Variants in NKAIN2 observed in about 807,000 individuals in gnomAD.
NKAIN2 encodes the protein sodium/potassium-transporting ATPase subunit beta-1-interacting protein 2.
A neutral mutation model predicts 32.6 loss-of-function variants in NKAIN2; 14 were observed. That is an observed-to-expected ratio of 0.43 (90% confidence interval 0.28 to 0.67). The LOEUF is 0.67. Among genes scored for constraint, NKAIN2 ranks in the 30% least tolerant of loss-of-function variants. The pLI is 0.17. For missense variants in NKAIN2, 198 were observed against 258.3 expected (o/e 0.77, Z 1.60); for synonymous variants, 80 against 87.2 (o/e 0.92, Z 0.46).
At chr6:124,433,091 C>T (rs1375427282) in intron 3 of NKAIN2, among the ~76,000 whole-genome samples, 1 of 152,090 alleles carries the variant, frequency 6.6e-6, no homozygotes, top group Non-Finnish European at 1.5e-5. Context: ...TTAGTTTAAT[C>T]GACTTTGGAG....
chr6:124,049,871 A>G (rs1782324933), intron 1 of NKAIN2, among the ~76,000 whole-genome samples: 1 of 152,068 alleles, frequency 6.6e-6, no homozygotes, highest in South Asian at 2.1e-4. Flanking sequence ...AGAGTGCAAG[A>G]GTAGTGATAC....
At position 124,032,882 on chromosome 6, in the gene NKAIN2, C is replaced by G. The variant is rs570242189; in HGVS notation, c.54+228628C>G. Among the ~76,000 whole-genome samples, 7 of 152,058 alleles carry G rather than the reference C, an allele frequency of 4.6e-5. No homozygotes were observed. The South Asian group carries it at 8.3e-4, about 18-fold the overall frequency. ...GAATAGTATTAACAATATTTCCTCT[C>G]TGGTAATGTTTGTTTGCCTAATGTT... is the stretch of plus-strand genomic sequence containing the variant. On this transcript the variant is annotated intron_variant, in intron 1 of 6. Transcript: ENST00000368417.
At chr6:124,010,373 T>C (rs1780270616) in intron 1 of NKAIN2, among the ~76,000 whole-genome samples, 2 of 152,082 alleles carry the variant, frequency 1.3e-5, no homozygotes, top group Non-Finnish European at 2.9e-5. Flanking sequence ...CACTAGTTCA[T>C]AGCTATGGAC....
intron 4 of NKAIN2, among the ~76,000 whole-genome samples, chr6:124,787,331 T>TA (rs1024442341): frequency 2.0e-4 from 30 of 152,012 alleles, no homozygotes; most frequent in African/African-American, 6.8e-4. Flanking sequence ...AACAGTGAAT[T>TA]AAAAAATTAA....
At chr6:124,684,678 A>G (rs1773778645) in intron 4 of NKAIN2, among the ~76,000 whole-genome samples, 1 of 152,118 alleles carries the variant, frequency 6.6e-6, no homozygotes, top group Non-Finnish European at 1.5e-5. Context: ...TCTGACACAG[A>G]GTCTTTACAC....
At chr6:123,818,809 A>T (rs938386368) in intron 1 of NKAIN2, among the ~76,000 whole-genome samples, 2 of 152,196 alleles carry the variant, frequency 1.3e-5, no homozygotes, top group African/African-American at 2.4e-5. Context: ...ATATCACCTC[A>T]TGTGTTTTTC....
intron 1 of NKAIN2, among the ~76,000 whole-genome samples, chr6:124,195,041 A>AT (rs1211291978): frequency 2.0e-5 from 3 of 150,636 alleles, no homozygotes; most frequent in Admixed American, 6.6e-5. Context: ...ATAAAATGCA[A>AT]TTTTTTTATT....
At chr6:124,411,224 A>T (rs1307192582) in intron 3 of NKAIN2, among the ~76,000 whole-genome samples, 1 of 152,138 alleles carries the variant, frequency 6.6e-6, no homozygotes, top group Non-Finnish European at 1.5e-5. Context: ...TCCTGTCATT[A>T]TGATGTTAGC....
intron 1 of NKAIN2, among the ~76,000 whole-genome samples, chr6:124,202,359 A>G (rs1790633748): frequency 6.6e-6 from 1 of 151,970 alleles, no homozygotes; most frequent in African/African-American, 2.4e-5. Context: ...TCGATTCCTT[A>G]GCGAGGCAGA....
intron 4 of NKAIN2, among the ~76,000 whole-genome samples, chr6:124,712,108 G>A (rs1222259161): frequency 6.6e-6 from 1 of 151,602 alleles, no homozygotes; most frequent in African/African-American, 2.4e-5. Context: ...CTGCTGGGGG[G>A]TGCCTCCCAG....
Position 123,824,896 on chromosome 6 carries a change from GA to G in NKAIN2, c.54+20648del, listed in dbSNP as rs1391659651. 1.5e-4 allele frequency among the ~76,000 whole-genome samples: 23 copies of G among 152,208 alleles called. No individual in the cohort carries two copies. The South Asian group carries it at 2.3e-3, about 15-fold the overall frequency. ...GTTGGGTTCAATGTGCTCTGCTTCAGAAAAAAGCAAGGAAGTACATGATGTG... is the reference window on the plus strand; with the variant it reads ...GTTGGGTTCAATGTGCTCTGCTTCAGAAAAAGCAAGGAAGTACATGATGTG... On this transcript the variant is annotated intron_variant, in intron 1 of 6. Transcript: ENST00000368417.
chr6:124,507,471 G>C (rs1287590007), intron 3 of NKAIN2, among the ~76,000 whole-genome samples: 1 of 151,992 alleles, frequency 6.6e-6, no homozygotes, highest in Non-Finnish European at 1.5e-5. Context: ...TTTAATTATG[G>C]TGGTTTTTTG....
intron 1 of NKAIN2, among the ~76,000 whole-genome samples, chr6:123,943,256 A>T (rs536538741): frequency 1.3e-5 from 2 of 152,184 alleles, no homozygotes; most frequent in South Asian, 4.1e-4. Flanking sequence ...GGTGCTTATC[A>T]CCTATTAAAT....
rs918995385 is a variant in NKAIN2, at chr6:124,522,729, A to G, written c.274-135457A>G. Among the ~76,000 whole-genome samples, 8 of 152,308 alleles carry G rather than the reference A, an allele frequency of 5.3e-5. No homozygotes were observed. In the Middle Eastern group the frequency reaches 0.017, roughly 324 times the overall value. On this transcript the variant is annotated intron_variant, in intron 3 of 6. Transcript: ENST00000368417. The stretch of plus-strand genomic sequence containing the variant: ...GTTCCAAGTTTTCTTTTAGTCCATC[A>G]CTTTAAAATAGATGCTTCCACTTAA...
chr6:124,287,539 A>G (rs964708820), intron 2 of NKAIN2, among the ~76,000 whole-genome samples: 1 of 152,330 alleles, frequency 6.6e-6, no homozygotes, highest in Admixed American at 6.5e-5. Context: ...ACTTTGCAGA[A>G]TATAGTATGC....
At chr6:124,641,040 G>A (rs1458708052) in intron 3 of NKAIN2, among the ~76,000 whole-genome samples, 1 of 152,094 alleles carries the variant, frequency 6.6e-6, no homozygotes, top group Non-Finnish European at 1.5e-5. Context: ...TGAACATATC[G>A]GGTTTAACAT....
intron 4 of NKAIN2, among the ~76,000 whole-genome samples, chr6:124,685,617 A>G: frequency 6.6e-6 from 1 of 152,176 alleles, no homozygotes; most frequent in East Asian, 1.9e-4. Flanking sequence ...TATATTGGCT[A>G]TATTATGAAA....
rs1392017501 is a variant in NKAIN2, at chr6:124,687,741, T to TACACACACACAC, written c.474+29356_474+29357insCACACACACACA. Among the ~76,000 whole-genome samples, 35 of 30,016 alleles carry TACACACACACAC rather than the reference T, an allele frequency of 1.2e-3. 1 individual carries two copies. Among genetic ancestry groups the TACACACACACAC allele is most frequent in the Admixed American group, 2.2e-3 (3 of 1,388 alleles). The allele number at this position is 30,016 out of a possible 152,430, so 19.7% of individuals were successfully genotyped here. On this transcript the variant is annotated intron_variant, in intron 4 of 6. Transcript: ENST00000368417. ...ATATATAATATAAATATATATGATA[T>TACACACACACAC]ATACACACACACACACACACACACA...
intron 1 of NKAIN2, among the ~76,000 whole-genome samples, chr6:123,811,266 C>T (rs905767056): frequency 1.7e-4 from 26 of 152,098 alleles, no homozygotes; most frequent in African/African-American, 4.1e-4. Context: ...GTCTTTCCAG[C>T]GCGTTTGTGT....
Sources: gnomAD v4.1 joint callset for allele counts (sites outside exome capture counted in the v4.1 genomes callset) on GRCh38, gnomAD v4.1.1 for gene constraint, MANE v1.5 for transcripts, NCBI Gene and HGNC (gene_info 2026-07-23, HGNC 2026-07-21) for gene names.